The following TXLNB variants were observed in gnomAD, a reference collection of about 807,000 sequenced individuals.
The protein encoded by TXLNB is taxilin beta, also known as beta-taxilin.
Under a neutral mutation model 57.4 loss-of-function variants are expected in TXLNB, and 37 were observed. The ratio of observed to expected loss-of-function variants is 0.64; its 90% CI spans 0.50 to 0.85. The LOEUF (loss-of-function observed/expected upper bound fraction) is 0.85, where lower values mean the gene tolerates loss of function less well. TXLNB is among the 40% of genes least tolerant of loss of function. TXLNB has a pLI of 0.00. For synonymous variants in TXLNB, 302 were observed against 309.6 expected (o/e 0.98, Z 0.26); for missense variants, 848 against 825.6 (o/e 1.03, Z -0.33).
the TXLNB span, among the ~76,000 whole-genome samples, chr6:139,216,275 C>T: frequency 6.6e-6 from 1 of 151,142 alleles, no homozygotes; most frequent in East Asian, 1.9e-4. Flanking sequence ...ACATATACAC[C>T]ATGGAATACT....
chr6:139,260,538 G>T, intron 5 of TXLNB, 101 bp from the exon 6 acceptor site: 1 of 1,302,832 alleles, frequency 7.7e-7, no homozygotes, highest in Non-Finnish European at 1.1e-6. Flanking sequence ...CAGGTTTTAA[G>T]ATTTAAAAGA....
the TXLNB span, chr6:139,169,613 C>T: frequency 6.6e-6 from 1 of 152,318 alleles, no homozygotes; most frequent in South Asian, 2.1e-4. Flanking sequence ...AATGACTTCT[C>T]ACAATTCTGT....
At chr6:139,305,849 T>G in the TXLNB span, among the ~76,000 whole-genome samples, 2 of 152,328 alleles carry the variant, frequency 1.3e-5, no homozygotes, top group Admixed American at 1.3e-4. Context: ...GTAAATAATC[T>G]TAATTAATTA....
intron 4 of TXLNB, among the ~76,000 whole-genome samples, chr6:139,265,359 T>C (rs1583009655): frequency 6.6e-6 from 1 of 152,210 alleles, no homozygotes; most frequent in Non-Finnish European, 1.5e-5. Flanking sequence ...TATGATTTTG[T>C]TGAAACAAAC....
At chr6:139,307,144 T>A in the TXLNB span, among the ~76,000 whole-genome samples, 1 of 152,194 alleles carries the variant, frequency 6.6e-6, no homozygotes. Context: ...CAAGACAGGT[T>A]GAGCAGAGAG....
chr6:139,292,946 A>G (rs1332125357), upstream of TXLNB, among the ~76,000 whole-genome samples: 2 of 152,040 alleles, frequency 1.3e-5, no homozygotes, highest in Non-Finnish European at 2.9e-5. The surrounding 1 kb of genome is among the most constrained non-coding windows in gnomAD (Gnocchi z 4.0). Context: ...AGGCAGAATA[A>G]TGCCACCCAA....
chr6:139,191,560 T>C, the TXLNB span, among the ~76,000 whole-genome samples: 2 of 152,272 alleles, frequency 1.3e-5, no homozygotes, highest in Admixed American at 1.3e-4. Flanking sequence ...AAAGTTCTAT[T>C]GGACAGTGCT....
chr6:139,199,409 A>T, the TXLNB span, among the ~76,000 whole-genome samples: 1 of 152,150 alleles, frequency 6.6e-6, no homozygotes, highest in African/African-American at 2.4e-5. Context: ...TTTCTTGAGC[A>T]TCACCCTGGG....
intron 8 of TXLNB, 109 bp downstream of exon 8, chr6:139,247,708 C>T (rs1260308639): frequency 2.8e-6 from 2 of 720,690 alleles, no homozygotes; most frequent in Non-Finnish European, 4.6e-6. Flanking sequence ...CATTTCATTA[C>T]TTTGTGAAAT....
chr6:139,321,624 C>T, the TXLNB span, among the ~76,000 whole-genome samples: 3 of 138,764 alleles, frequency 2.2e-5, no homozygotes, highest in Non-Finnish European at 3.1e-5. Flanking sequence ...CTAGCCCAGA[C>T]TACTCTCTCT....
At chr6:139,174,131 CT>C in the TXLNB span, among the ~76,000 whole-genome samples, 1 of 152,182 alleles carries the variant, frequency 6.6e-6, no homozygotes, top group Non-Finnish European at 1.5e-5. Context: ...CCCAGCAGCC[CT>C]TTTTGGAAAA....
chr6:139,182,778 T>C, the TXLNB span, among the ~76,000 whole-genome samples: 3 of 152,328 alleles, frequency 2.0e-5, no homozygotes, highest in African/African-American at 7.2e-5. Flanking sequence ...GTGGTAATTA[T>C]ATTAGCTCTA....
At chr6:139,285,130 A>T (rs991007041) in intron 2 of TXLNB, among the ~76,000 whole-genome samples, 1 of 144,930 alleles carries the variant, frequency 6.9e-6, no homozygotes, top group Non-Finnish European at 1.5e-5. Flanking sequence ...GGAATTTTTA[A>T]AAACATCATC....
chr6:139,193,069 T>C, the TXLNB span, among the ~76,000 whole-genome samples: 2 of 152,052 alleles, frequency 1.3e-5, no homozygotes, highest in African/African-American at 4.8e-5. Flanking sequence ...GTCCTCATCA[T>C]ACTTAAATTC....
At chr6:139,289,148 C>G (rs530001368) in intron 1 of TXLNB, among the ~76,000 whole-genome samples, 1 of 152,324 alleles carries the variant, frequency 6.6e-6, no homozygotes, top group Admixed American at 6.5e-5. Flanking sequence ...AAAACGCAGA[C>G]ATGAAATCCA....
At chr6:139,192,713 G>A in the TXLNB span, among the ~76,000 whole-genome samples, 1 of 151,956 alleles carries the variant, frequency 6.6e-6, no homozygotes, top group Non-Finnish European at 1.5e-5. Flanking sequence ...CGGAGGCCGA[G>A]GCAGGTGGAT....
intron 2 of TXLNB, among the ~76,000 whole-genome samples, chr6:139,279,983 A>G (rs1777002274): frequency 1.3e-5 from 2 of 152,188 alleles, no homozygotes; most frequent in African/African-American, 4.8e-5. Flanking sequence ...CATCAAAGAA[A>G]CAAAAAAACT....
At chr6:139,305,953 TTTA>T in the TXLNB span, among the ~76,000 whole-genome samples, 1 of 152,134 alleles carries the variant, frequency 6.6e-6, no homozygotes, top group African/African-American at 2.4e-5. Flanking sequence ...ATGAAAATGA[TTTA>T]TTAATATTCG....
the TXLNB span, among the ~76,000 whole-genome samples, chr6:139,159,613 G>GC: frequency 2.0e-5 from 3 of 152,166 alleles, no homozygotes; most frequent in Non-Finnish European, 4.4e-5. Flanking sequence ...TGCCTCCCCA[G>GC]CAGCTGGGCT....
Sources: allele counts gnomAD v4.1 joint callset (sites outside exome capture counted in the v4.1 genomes callset), GRCh38; gene constraint gnomAD v4.1.1; non-coding constraint Gnocchi (gnomAD v3.1); transcripts MANE v1.5; gene names NCBI Gene and HGNC (gene_info 2026-07-23, HGNC 2026-07-21).